Variants in MYO1B observed in about 807,000 individuals in gnomAD.
MYO1B encodes the protein unconventional myosin-Ib.
In MYO1B, 72 loss-of-function variants were observed where a neutral mutation model predicts 159.7. The ratio of observed to expected loss-of-function variants is 0.45; its 90% confidence interval spans 0.37 to 0.55. The LOEUF (loss-of-function observed/expected upper bound fraction) is 0.55, where lower values mean the gene tolerates loss of function less well. Among genes scored for constraint, MYO1B ranks in the 20% least tolerant of loss-of-function variants. The pLI, the probability that MYO1B is intolerant of heterozygous loss-of-function variation, is 0.00. For synonymous variants in MYO1B, 468 were observed against 473.8 expected, an observed-to-expected ratio of 0.99 and a Z score of 0.16; for missense variants, 1,062 against 1,364.8, an observed-to-expected ratio of 0.78 and a Z score of 3.50.
chr2:191,315,984 T>G (rs917374945), intron 3 of MYO1B, among the ~76,000 whole-genome samples: 3 of 152,192 alleles, frequency 2.0e-5, no homozygotes, highest in African/African-American at 7.2e-5. Flanking sequence ...ATGAGAACCA[T>G]AGGTACAAGT....
At chr2:191,350,655 C>G (rs1692852068) in intron 7 of MYO1B, among the ~76,000 whole-genome samples, 1 of 151,778 alleles carries the variant, frequency 6.6e-6, no homozygotes, top group African/African-American at 2.4e-5. Flanking sequence ...AGGAGTAGAC[C>G]TGTACTTCAG....
At chr2:191,387,135 A>G in intron 16 of MYO1B, 89 bp from the exon 17 acceptor site, 1 of 1,303,760 alleles carries the variant, frequency 7.7e-7, no homozygotes, top group Non-Finnish European at 1.1e-6. Flanking sequence ...AAGTGGCTGC[A>G]ATGTAGATAG....
intron 3 of MYO1B, among the ~76,000 whole-genome samples, chr2:191,299,438 C>T (rs1452433447): frequency 6.6e-6 from 1 of 152,160 alleles, no homozygotes; most frequent in East Asian, 1.9e-4. Context: ...CACCACATTC[C>T]CTCTCATGGG....
intron 11 of MYO1B, among the ~76,000 whole-genome samples, chr2:191,369,017 A>G (rs1242715463): frequency 6.6e-6 from 1 of 152,142 alleles, no homozygotes; most frequent in Non-Finnish European, 1.5e-5. Context: ...AAGAAAAAAA[A>G]TTTGCAGATT....
At chr2:191,357,139 T>C (rs1693345449) in intron 7 of MYO1B, among the ~76,000 whole-genome samples, 1 of 152,356 alleles carries the variant, frequency 6.6e-6, no homozygotes, top group Middle Eastern at 3.4e-3. Context: ...TCCTAAAGTA[T>C]GTGATGTGAT....
At chr2:191,386,925 A>C (rs1695431756) in intron 16 of MYO1B, among the ~76,000 whole-genome samples, 1 of 152,224 alleles carries the variant, frequency 6.6e-6, no homozygotes, top group Non-Finnish European at 1.5e-5. Flanking sequence ...AAAACCCCAG[A>C]ATATGTTCAG....
At chr2:191,401,182 C>T (rs796638735) in intron 23 of MYO1B, among the ~76,000 whole-genome samples, 12 of 151,568 alleles carry the variant, frequency 7.9e-5, no homozygotes, top group African/African-American at 2.2e-4. Context: ...GGAGGGGTTG[C>T]GCATGTTGGG....
chr2:191,341,638 C>A, intron 5 of MYO1B, 73 bp downstream of exon 5: 3 of 1,172,016 alleles, frequency 2.6e-6, no homozygotes, highest in Admixed American at 1.8e-5. Flanking sequence ...CTTTGAGTAC[C>A]TGGTCTGCTG....
Position 191,314,413 on chromosome 2 carries a change from T to C in MYO1B, c.252-15522T>C, listed in dbSNP as rs574847223. 6.6e-5 allele frequency among the ~76,000 whole-genome samples: 10 copies of C among 152,342 alleles called. 1 individual carries two copies. In the South Asian group the frequency reaches 2.1e-3, roughly 32 times the overall value. On this transcript the variant is annotated intron_variant, in intron 3 of 30. Transcript: ENST00000392318. Reference sequence around the variant, plus strand: ...GATTATTTGAAGATGTTTTAGTGCATTGGTAATTTATTGGAGTAGATCCAT... The same window carrying C: ...GATTATTTGAAGATGTTTTAGTGCACTGGTAATTTATTGGAGTAGATCCAT...
chr2:191,381,912 A>G (rs1254591785), intron 14 of MYO1B, among the ~76,000 whole-genome samples: 1 of 152,226 alleles, frequency 6.6e-6, no homozygotes, highest in African/African-American at 2.4e-5. Context: ...AAATATTTTG[A>G]GACTTTGTTC....
At chr2:191,403,549 A>C (rs1042863722) in intron 24 of MYO1B, among the ~76,000 whole-genome samples, 1 of 152,114 alleles carries the variant, frequency 6.6e-6, no homozygotes, top group African/African-American at 2.4e-5. Flanking sequence ...CTTTAATCCT[A>C]TGACATTTAA....
intron 1 of MYO1B, among the ~76,000 whole-genome samples, chr2:191,258,780 G>A (rs1343312761): frequency 6.6e-6 from 1 of 152,162 alleles, no homozygotes; most frequent in Admixed American, 6.5e-5. Context: ...CAAGGGTATG[G>A]CATGAGCATG....
intron 8 of MYO1B, among the ~76,000 whole-genome samples, chr2:191,361,257 TC>T (rs1693654036): frequency 6.6e-6 from 1 of 152,202 alleles, no homozygotes; most frequent in African/African-American, 2.4e-5. Flanking sequence ...ATATGATTTT[TC>T]TGTTTGGGGA....
At chr2:191,423,321 CAG>C (rs1010011368) in intron 30 of MYO1B, among the ~76,000 whole-genome samples, 2 of 152,088 alleles carry the variant, frequency 1.3e-5, no homozygotes, top group African/African-American at 4.8e-5. Flanking sequence ...TCTATCTAAA[CAG>C]AAAAAGTACA....
intron 30 of MYO1B, among the ~76,000 whole-genome samples, chr2:191,419,885 T>C (rs963816987): frequency 6.6e-6 from 1 of 152,216 alleles, no homozygotes; most frequent in Admixed American, 6.5e-5. Flanking sequence ...TATTGTGTTT[T>C]AAGCTAAGTG....
Position 191,377,200 on chromosome 2 carries a change from A to G in MYO1B, c.1186-4262A>G, listed in dbSNP as rs150455912. Among the ~76,000 whole-genome samples, 298 of 152,352 alleles carry G rather than the reference A, an allele frequency of 2.0e-3. 1 individual carries two copies. Among genetic ancestry groups the G allele is most frequent in the Middle Eastern group, 0.014 (4 of 294 alleles). On this transcript the variant is annotated intron_variant, in intron 13 of 30. Transcript: ENST00000392318. The stretch of plus-strand genomic sequence containing the variant: ...ACTATAGTGTGAAATAGCAGAGAAC[A>G]GACACCTTGCTGTTTGCCTTTGTTC...
At position 191,423,984 on chromosome 2, in the gene MYO1B, T is replaced by G. The variant is rs1698104489; in HGVS notation, c.*24T>G. On this transcript the variant is annotated 3_prime_UTR_variant, in exon 31 of 31. Coordinates refer to ENST00000392318, the MANE Select transcript of MYO1B (RefSeq NM_001130158.3). Reference sequence around the variant, plus strand: ...AACTGGCGCCTCCTCTCTACTTTCATGGACTTGTTCCTTTGTAATAGTGCA... The same window carrying G: ...AACTGGCGCCTCCTCTCTACTTTCAGGGACTTGTTCCTTTGTAATAGTGCA... The G allele has an allele frequency of 1.2e-6, 2 of 1,610,398 alleles. No homozygotes were observed. Among genetic ancestry groups the G allele is most frequent in the African/African-American group, 2.7e-5 (2 of 74,736 alleles).
At chr2:191,256,297 A>C in intron 1 of MYO1B, among the ~76,000 whole-genome samples, 1 of 151,998 alleles carries the variant, frequency 6.6e-6, no homozygotes, top group East Asian at 1.9e-4. Flanking sequence ...GTCTGCCTCC[A>C]TTTTCTCATC....
chr2:191,316,085 GT>G (rs1351919841), intron 3 of MYO1B, among the ~76,000 whole-genome samples: 2 of 152,306 alleles, frequency 1.3e-5, no homozygotes, highest in Non-Finnish European at 1.5e-5. Context: ...TTCTGTGAAA[GT>G]TTTTTGTGTT....
Sources: allele counts gnomAD v4.1 joint callset (sites outside exome capture counted in the v4.1 genomes callset), GRCh38; gene constraint gnomAD v4.1.1; transcripts MANE v1.5; gene names NCBI Gene and HGNC (gene_info 2026-07-23, HGNC 2026-07-21).